Variants in CNGA1 observed in about 807,000 individuals in gnomAD.
CNGA1 encodes the protein cyclic nucleotide-gated channel alpha-1.
Under a neutral mutation model 69.7 loss-of-function variants are expected in CNGA1, and 53 were observed. The ratio of observed to expected loss-of-function variants is 0.76; its 90% CI spans 0.61 to 0.96. CNGA1 has a LOEUF of 0.96. CNGA1 is among the 40% of genes least tolerant of loss of function. CNGA1 has a pLI of 0.00. For missense variants in CNGA1, 739 were observed against 811.2 expected, an observed-to-expected ratio of 0.91 and a Z score of 1.08; for synonymous variants, 249 against 283.5, an observed-to-expected ratio of 0.88 and a Z score of 1.22.
At position 47,936,679 on chromosome 4, in the gene CNGA1, T is replaced by C. The variant is rs768391117; in HGVS notation, c.1803A>G (p.Lys601=). 2 of 1,614,196 alleles carry C rather than the reference T, an allele frequency of 1.2e-6. No individual in the cohort carries two copies. Among genetic ancestry groups the C allele is most frequent in the African/African-American group, 1.3e-5 (1 of 75,062 alleles). The change falls in exon 11 of 11, where the codon AAA becomes AAG. Residue 601 remains lysine (K), a synonymous_variant. Transcript: ENST00000514170. ...LEEKGKQILM[K]DGLLDLNIAN... ...CAATGTTTAGATCCAGTAGACCATC[T>C]TTCATTAAAATCTGCTTCCCTTTCT...
At chr4:47,974,709 G>GTT (rs35156293) in intron 3 of CNGA1, among the ~76,000 whole-genome samples, 3,347 of 147,196 alleles carry the variant, frequency 0.023, 52 homozygotes, top group African/African-American at 0.052. Context: ...GCAGAACTAA[G>GTT]TTTTTTTTTT....
At chr4:47,955,339 C>A (rs925619124) in intron 3 of CNGA1, among the ~76,000 whole-genome samples, 1 of 151,798 alleles carries the variant, frequency 6.6e-6, no homozygotes, top group African/African-American at 2.4e-5. Context: ...CCCACCACCA[C>A]GCCTGGCTAA....
In CNGA1 at chr4:48,003,235, T is replaced by C. The variant is rs149280898; in HGVS notation, c.-123+7559A>G. On this transcript the variant is annotated intron_variant, in intron 2 of 10. Coordinates refer to ENST00000514170, the MANE Select transcript of CNGA1 (RefSeq NM_001379270.1). ...GAAGATTGGAAGCAGGGAGGGGGCT[T>C]TCAGGTCATAGGTAGATAAGAGACA... 4.6e-5 allele frequency among the ~76,000 whole-genome samples: 7 copies of C among 152,248 alleles called. No homozygotes were observed. In the East Asian group the frequency reaches 1.4e-3, roughly 29 times the overall value.
At chr4:47,949,188 T>C (rs1013403191) in intron 6 of CNGA1, among the ~76,000 whole-genome samples, 1 of 152,068 alleles carries the variant, frequency 6.6e-6, no homozygotes. Flanking sequence ...GTCAGCTCAG[T>C]TTTTCCTCTC....
chr4:47,937,065 C>A lies in CNGA1; in HGVS notation c.1417G>T (p.Val473Leu). The A allele has an allele frequency of 6.2e-7, 1 of 1,614,198 alleles. No individual in the cohort carries two copies. The highest frequency in any genetic ancestry group is 1.1e-5 in the South Asian group (1 of 91,082). Residue 473 changes from valine to leucine, a missense_variant, in exon 11 of 11, where the codon GTA becomes TTA. Val to Leu is a conservative substitution (Grantham distance 32, BLOSUM62 1). Transcript: ENST00000514170. Reference sequence around the variant, plus strand: ...GCTTCACAATCAGCAAAAATGCGTACCTTTTTTAATGTGTCTAAGTGAACG... The same window carrying A: ...GCTTCACAATCAGCAAAAATGCGTAACTTTTTTAATGTGTCTAAGTGAACG... ...INVHLDTLKK[V>L]RIFADCEAGL...
Position 47,998,130 on chromosome 4 carries a change from C to A in CNGA1, c.-123+12664G>T, listed in dbSNP as rs569783892. Among the ~76,000 whole-genome samples, 6 of 152,234 alleles carry A rather than the reference C, an allele frequency of 3.9e-5. No homozygotes were observed. The South Asian group carries it at 1.2e-3, about 32-fold the overall frequency. On this transcript the variant is annotated intron_variant, in intron 2 of 10. Coordinates refer to ENST00000514170, the MANE Select transcript of CNGA1 (RefSeq NM_001379270.1). ...AATGAGTTGAACCCTGTCCAAAGAC[C>A]ATTTTTAATCTGTGACATGAGAAAA...
At chr4:47,969,403 C>G (rs959843164) in intron 3 of CNGA1, among the ~76,000 whole-genome samples, 2 of 152,020 alleles carry the variant, frequency 1.3e-5, no homozygotes, top group East Asian at 3.9e-4. Context: ...GAAACTGATT[C>G]GGAGACTGGG....
intron 2 of CNGA1, among the ~76,000 whole-genome samples, chr4:47,988,371 C>T (rs537492761): frequency 2.0e-5 from 3 of 152,164 alleles, no homozygotes; most frequent in South Asian, 2.1e-4. Context: ...GCATTGTACA[C>T]GTCAGTGCCT....
chr4:47,995,564 T>TC (rs1553871009), intron 2 of CNGA1, among the ~76,000 whole-genome samples: 2 of 151,772 alleles, frequency 1.3e-5, no homozygotes, highest in East Asian at 3.9e-4. Context: ...CATTTTTTTT[T>TC]ATTTCCTTAA....
chr4:47,970,971 C>T (rs755197749), intron 3 of CNGA1: 20 of 453,576 alleles, frequency 4.4e-5, no homozygotes, highest in Non-Finnish European at 7.5e-5. Flanking sequence ...GCTTGGCCAA[C>T]ATGGTGAAAT....
At chr4:48,005,882 T>C in intron 2 of CNGA1, among the ~76,000 whole-genome samples, 1 of 152,262 alleles carries the variant, frequency 6.6e-6, no homozygotes. Flanking sequence ...TGCAAATAAC[T>C]GTATTGTCGT....
intron 3 of CNGA1, among the ~76,000 whole-genome samples, chr4:47,955,967 A>C (rs1740062292): frequency 6.6e-6 from 1 of 152,216 alleles, no homozygotes; most frequent in South Asian, 2.1e-4. Flanking sequence ...ATTTACAACG[A>C]CTTTGAAATG....
intron 2 of CNGA1, among the ~76,000 whole-genome samples, chr4:48,003,346 C>G (rs1486478540): frequency 6.6e-6 from 1 of 152,130 alleles, no homozygotes; most frequent in Non-Finnish European, 1.5e-5. Flanking sequence ...AGAGGGCTGA[C>G]TTTGAATAGA....
At chr4:47,942,540 C>T (rs1244174028) in intron 8 of CNGA1, among the ~76,000 whole-genome samples, 1 of 152,100 alleles carries the variant, frequency 6.6e-6, no homozygotes, top group African/African-American at 2.4e-5. Flanking sequence ...AGTTGTATAC[C>T]TCAGCCACTG....
intron 1 of CNGA1, 118 bp from the exon 2 acceptor site, chr4:48,011,011 G>A (rs1358299809): frequency 2.0e-5 from 3 of 152,450 alleles, no homozygotes; most frequent in African/African-American, 7.2e-5. Context: ...TTGCTGGCTC[G>A]AATGCCTGGG....
At chr4:47,985,790 G>A (rs1452810943) in intron 2 of CNGA1, among the ~76,000 whole-genome samples, 2 of 149,966 alleles carry the variant, frequency 1.3e-5, no homozygotes, top group Admixed American at 1.3e-4. Context: ...ATTTAAGAAT[G>A]AACTAAATAT....
chr4:47,999,371 A>G (rs1714558582), intron 2 of CNGA1, among the ~76,000 whole-genome samples: 1 of 152,234 alleles, frequency 6.6e-6, no homozygotes, highest in South Asian at 2.1e-4. Flanking sequence ...TCTTAAAAGA[A>G]GCTCATAAAG....
chr4:48,012,492 G>A (rs1163901309), intron 1 of CNGA1, among the ~76,000 whole-genome samples: 1 of 143,160 alleles, frequency 7.0e-6, no homozygotes, highest in Non-Finnish European at 1.5e-5. Flanking sequence ...AGCCCCTTTA[G>A]TAGTCAAAAT....
intron 1 of CNGA1, among the ~76,000 whole-genome samples, chr4:48,014,943 T>C (rs944197262): frequency 2.0e-5 from 3 of 151,726 alleles, no homozygotes; most frequent in Admixed American, 2.0e-4. Flanking sequence ...GAGGCCGAGG[T>C]AGGCGGATCA....
Sources: gnomAD v4.1 joint callset for allele counts (sites outside exome capture counted in the v4.1 genomes callset) on GRCh38, gnomAD v4.1.1 for gene constraint, MANE v1.5 for transcripts, NCBI Gene and HGNC (gene_info 2026-07-23, HGNC 2026-07-21) for gene names.